FHIT: variants seen among roughly 807,000 people sequenced by gnomAD.
FHIT encodes bis(5'-adenosyl)-triphosphatase.
Under a neutral mutation model 17.9 loss-of-function variants are expected in FHIT, and 19 were observed. The ratio of observed to expected loss-of-function variants is 1.06; its 90% CI spans 0.74 to 1.56. FHIT has a LOEUF of 1.56. Ranked by LOEUF, FHIT falls within the 40% of genes most tolerant of loss-of-function variation. FHIT has a pLI of 0.00. For missense variants in FHIT, 248 were observed against 189.2 expected, an observed-to-expected ratio of 1.31 and a Z score of -1.82; for synonymous variants, 81 against 69.7, an observed-to-expected ratio of 1.16 and a Z score of -0.81.
intron 5 of FHIT, among the ~76,000 whole-genome samples, chr3:60,380,974 A>G (rs745320489): frequency 1.4e-5 from 1 of 72,036 alleles, no homozygotes; most frequent in Non-Finnish European, 3.7e-5. Flanking sequence ...AAAGCCACAC[A>G]GAGTGTTCCT....
chr3:60,143,607 T>C (rs552310560), intron 5 of FHIT, among the ~76,000 whole-genome samples: 1 of 152,274 alleles, frequency 6.6e-6, no homozygotes, highest in South Asian at 2.1e-4. Context: ...TGGGATAATT[T>C]GTTATGCAGC....
chr3:60,963,398 T>A (rs1224285869), intron 3 of FHIT, among the ~76,000 whole-genome samples: 5 of 152,234 alleles, frequency 3.3e-5, no homozygotes, highest in African/African-American at 4.8e-5. Flanking sequence ...ATTCACTGAT[T>A]TTTTGAAGGG....
chr3:60,481,432 C>T (rs927733501), intron 5 of FHIT, among the ~76,000 whole-genome samples: 10 of 152,136 alleles, frequency 6.6e-5, no homozygotes, highest in African/African-American at 2.4e-4. Flanking sequence ...AGAGAAAGGC[C>T]AGGTCACCAA....
At chr3:60,877,458 G>C (rs1704720318) in intron 3 of FHIT, among the ~76,000 whole-genome samples, 1 of 152,206 alleles carries the variant, frequency 6.6e-6, no homozygotes, top group African/African-American at 2.4e-5. Flanking sequence ...TGCTTTGGCA[G>C]AACAGCTCCA....
At chr3:60,519,983 T>C (rs1022811430) in intron 5 of FHIT, among the ~76,000 whole-genome samples, 2 of 152,166 alleles carry the variant, frequency 1.3e-5, no homozygotes, top group African/African-American at 2.4e-5. Flanking sequence ...CCAATAGCAA[T>C]ACAAGGTGGC....
At chr3:60,482,365 G>A (rs371406367) in intron 5 of FHIT, among the ~76,000 whole-genome samples, 5 of 152,062 alleles carry the variant, frequency 3.3e-5, no homozygotes, top group Non-Finnish European at 2.9e-5. Context: ...CTACCCCAAC[G>A]CAACAGAATA....
intron 5 of FHIT, among the ~76,000 whole-genome samples, chr3:60,137,801 A>C (rs1008006475): frequency 1.3e-5 from 2 of 152,224 alleles, no homozygotes; most frequent in African/African-American, 2.4e-5. Context: ...CTCAATAAGT[A>C]TATGATAAAA....
intron 5 of FHIT, among the ~76,000 whole-genome samples, chr3:60,428,106 T>C (rs764993494): frequency 6.6e-6 from 1 of 152,138 alleles, no homozygotes; most frequent in Non-Finnish European, 1.5e-5. Flanking sequence ...TATTTACAAG[T>C]AGGTCTTCCA....
chr3:60,370,181 T>C (rs948837059), intron 5 of FHIT, among the ~76,000 whole-genome samples: 7 of 147,422 alleles, frequency 4.7e-5, no homozygotes, highest in Non-Finnish European at 1.0e-4. Context: ...TTTATAGATA[T>C]ACACTTGAAT....
chr3:60,373,037 T>G (rs1700399843), intron 5 of FHIT, among the ~76,000 whole-genome samples: 1 of 152,188 alleles, frequency 6.6e-6, no homozygotes, highest in Non-Finnish European at 1.5e-5. Context: ...TGAAATTTAT[T>G]TATTTATTCA....
intron 5 of FHIT, among the ~76,000 whole-genome samples, chr3:60,166,623 C>A (rs1336801646): frequency 6.6e-6 from 1 of 152,120 alleles, no homozygotes; most frequent in Non-Finnish European, 1.5e-5. Context: ...AAAGATGAAT[C>A]CCAGCAATCT....
intron 1 of FHIT, among the ~76,000 whole-genome samples, chr3:61,213,862 C>T (rs2039576902): frequency 6.6e-6 from 1 of 152,182 alleles, no homozygotes; most frequent in African/African-American, 2.4e-5. Flanking sequence ...TCACTCAAAA[C>T]CGCTCAATTA....
intron 3 of FHIT, among the ~76,000 whole-genome samples, chr3:60,877,464 C>T (rs1447495864): frequency 4.6e-5 from 7 of 152,188 alleles, no homozygotes; most frequent in Non-Finnish European, 1.0e-4. Context: ...GGCAGAACAG[C>T]TCCATCTGCT....
At chr3:61,155,899 C>T (rs992549730) in intron 2 of FHIT, among the ~76,000 whole-genome samples, 8 of 151,838 alleles carry the variant, frequency 5.3e-5, no homozygotes, top group Non-Finnish European at 7.4e-5. Flanking sequence ...TCACTGTGCC[C>T]GAACTGTTTG....
intron 4 of FHIT, among the ~76,000 whole-genome samples, chr3:60,747,110 T>A (rs2042372856): frequency 6.6e-6 from 1 of 151,060 alleles, no homozygotes; most frequent in African/African-American, 2.4e-5. Context: ...CACAGTTCTG[T>A]GGTTCTTGGA....
intron 5 of FHIT, among the ~76,000 whole-genome samples, chr3:60,359,303 A>ATT (rs1699804304): frequency 9.1e-6 from 1 of 109,406 alleles, no homozygotes. Context: ...TTTTTTTGAG[A>ATT]TGGAGCCTCG....
chr3:60,010,753 C>T (rs1700106681), intron 7 of FHIT, among the ~76,000 whole-genome samples: 1 of 152,116 alleles, frequency 6.6e-6, no homozygotes, highest in African/African-American at 2.4e-5. Context: ...AGAGACTATC[C>T]TAATAAATCC....
intron 3 of FHIT, among the ~76,000 whole-genome samples, chr3:60,993,636 G>C (rs980038625): frequency 1.3e-5 from 2 of 152,082 alleles, no homozygotes; most frequent in East Asian, 1.9e-4. Context: ...TAAAACTCTA[G>C]AACTGCACTA....
intron 3 of FHIT, among the ~76,000 whole-genome samples, chr3:60,859,329 T>C (rs1341286603): frequency 6.6e-6 from 1 of 152,158 alleles, no homozygotes; most frequent in Non-Finnish European, 1.5e-5. Context: ...AAGAGCTTAA[T>C]AAATGTTAGA....
Sources: gnomAD v4.1 joint callset for allele counts (sites outside exome capture counted in the v4.1 genomes callset) on GRCh38, gnomAD v4.1.1 for gene constraint, MANE v1.5 for transcripts, NCBI Gene and HGNC (gene_info 2026-07-23, HGNC 2026-07-21) for gene names.